Variants in DPP10 observed in about 807,000 individuals in gnomAD.
DPP10 encodes the protein inactive dipeptidyl peptidase 10.
DPP10 carries 33 observed loss-of-function variants against 120.9 expected under a neutral mutation model. That is an observed-to-expected ratio of 0.27 (90% CI 0.21 to 0.37). DPP10 has a LOEUF of 0.37. DPP10 is among the 10% of genes least tolerant of loss of function. DPP10 has a pLI of 1.00. For synonymous variants in DPP10, 337 were observed against 326.1 expected (o/e 1.03, Z -0.36); for missense variants, 816 against 942.8 (o/e 0.87, Z 1.76).
At chr2:115,532,896 TATC>T (rs1333042636) in intron 5 of DPP10, among the ~76,000 whole-genome samples, 1 of 151,982 alleles carries the variant, frequency 6.6e-6, no homozygotes, top group African/African-American at 2.4e-5. Context: ...TTTTATATAT[TATC>T]CATATATATT....
intron 1 of DPP10, among the ~76,000 whole-genome samples, chr2:115,287,559 C>G (rs2060453277): frequency 6.6e-6 from 1 of 152,084 alleles, no homozygotes; most frequent in African/African-American, 2.4e-5. Flanking sequence ...GTTTTCCATT[C>G]TTGAGTTACT....
chr2:115,309,370 C>T lies in DPP10; in HGVS notation c.175+17C>T, dbSNP rs1035146612. The T allele has an allele frequency of 3.7e-6, 6 of 1,603,786 alleles. No individual in the cohort carries two copies. Among genetic ancestry groups the T allele is most frequent in the Admixed American group, 3.3e-5 (2 of 59,844 alleles). ...TAACCCCAGGTAATCTGTCTTTATT[C>T]CTCTCTTATGATGGATGGTATTGTG... On this transcript the variant is annotated intron_variant, in intron 2 of 25. Coordinates refer to ENST00000410059, the MANE Select transcript of DPP10 (RefSeq NM_020868.6).
chr2:114,627,401 T>G (rs1190337329), intron 1 of DPP10, among the ~76,000 whole-genome samples: 1 of 152,144 alleles, frequency 6.6e-6, no homozygotes, highest in Non-Finnish European at 1.5e-5. Flanking sequence ...TCATACTGTA[T>G]GCTATCTTGT....
At chr2:115,620,156 TG>T (rs1206762298) in intron 5 of DPP10, among the ~76,000 whole-genome samples, 1 of 152,218 alleles carries the variant, frequency 6.6e-6, no homozygotes, top group Non-Finnish European at 1.5e-5. Flanking sequence ...AACAGAGCGC[TG>T]GGCCAGGCTC....
intron 3 of DPP10, among the ~76,000 whole-genome samples, chr2:115,382,632 A>G (rs1007418460): frequency 2.6e-5 from 4 of 152,080 alleles, no homozygotes; most frequent in South Asian, 2.1e-4. Context: ...GTCTCTTCCT[A>G]GAAAATTGCT....
At chr2:115,820,839 C>A (rs7570955) in intron 21 of DPP10, among the ~76,000 whole-genome samples, 10 of 97,008 alleles carry the variant, frequency 1.0e-4, no homozygotes, top group African/African-American at 3.2e-4. Context: ...GTGTGTGTAT[C>A]TCACAATTTC....
intron 2 of DPP10, among the ~76,000 whole-genome samples, chr2:115,325,470 T>C (rs2106129589): frequency 6.6e-6 from 1 of 152,256 alleles, no homozygotes; most frequent in Admixed American, 6.5e-5. Context: ...CAGTTTGAAA[T>C]GTGGAAAAAC....
intron 3 of DPP10, among the ~76,000 whole-genome samples, chr2:115,383,417 A>G (rs1175918118): frequency 2.0e-5 from 3 of 152,224 alleles, no homozygotes; most frequent in African/African-American, 7.2e-5. Context: ...GGAACTGTGC[A>G]TGCATTAAAC....
At chr2:114,936,436 CAT>C (rs893266629) in intron 1 of DPP10, among the ~76,000 whole-genome samples, 1 of 151,088 alleles carries the variant, frequency 6.6e-6, no homozygotes, top group Non-Finnish European at 1.5e-5. Context: ...TATATATACA[CAT>C]ATATACGCAC....
At chr2:114,496,746 G>A (rs1001017708) in intron 1 of DPP10, among the ~76,000 whole-genome samples, 7 of 152,090 alleles carry the variant, frequency 4.6e-5, no homozygotes, top group East Asian at 3.9e-4. Context: ...CTATCTATGA[G>A]GGGTCACAAT....
intron 1 of DPP10, among the ~76,000 whole-genome samples, chr2:114,546,679 G>A (rs945525088): frequency 6.6e-6 from 1 of 152,168 alleles, no homozygotes; most frequent in Non-Finnish European, 1.5e-5. Context: ...ATCTCCTAAG[G>A]CAAAGTGTTC....
intron 1 of DPP10, among the ~76,000 whole-genome samples, chr2:114,587,301 CAA>C (rs11364968): frequency 0.29 from 30,556 of 103,582 alleles, 3,684 homozygotes; most frequent in Non-Finnish European, 0.31. Context: ...AACTCCATCT[CAA>C]AAAAAAAAAA....
chr2:115,510,469 T>A (rs889184546), intron 4 of DPP10, among the ~76,000 whole-genome samples: 1 of 152,170 alleles, frequency 6.6e-6, no homozygotes, highest in Admixed American at 6.6e-5. Flanking sequence ...ACCACAAATA[T>A]ATGATTTTGT....
At chr2:115,630,188 A>G (rs2085728886) in intron 5 of DPP10, among the ~76,000 whole-genome samples, 1 of 151,990 alleles carries the variant, frequency 6.6e-6, no homozygotes, top group Non-Finnish European at 1.5e-5. Context: ...GAGTTCATTT[A>G]TGATTTTGCT....
At chr2:114,448,949 T>G (rs1373793818) in intron 1 of DPP10, among the ~76,000 whole-genome samples, 1 of 152,216 alleles carries the variant, frequency 6.6e-6, no homozygotes, top group Non-Finnish European at 1.5e-5. Flanking sequence ...AAGGTGTTAC[T>G]CAACATGTAA....
At chr2:115,466,291 T>C (rs189138585) in intron 3 of DPP10, among the ~76,000 whole-genome samples, 1 of 152,328 alleles carries the variant, frequency 6.6e-6, no homozygotes, top group East Asian at 1.9e-4. Flanking sequence ...TCTTTAACTT[T>C]TAATATCACA....
intron 7 of DPP10, among the ~76,000 whole-genome samples, chr2:115,724,324 G>T (rs1028334310): frequency 3.3e-5 from 5 of 152,168 alleles, no homozygotes; most frequent in Admixed American, 2.6e-4. Flanking sequence ...TGGTGAATTT[G>T]CTGGTAGTTG....
intron 1 of DPP10, among the ~76,000 whole-genome samples, chr2:114,792,005 A>T (rs1024373765): frequency 3.3e-5 from 5 of 152,136 alleles, no homozygotes; most frequent in Admixed American, 2.0e-4. Context: ...TCATTTCTTT[A>T]TGAGACACGA....
chr2:115,835,489 C>T (rs115055982), intron 21 of DPP10, among the ~76,000 whole-genome samples: 1,964 of 152,244 alleles, frequency 0.013, 45 homozygotes, highest in African/African-American at 0.042. Context: ...AACATCTATA[C>T]ATTTCCTTTA....
Sources: allele counts gnomAD v4.1 joint callset (sites outside exome capture counted in the v4.1 genomes callset), GRCh38; gene constraint gnomAD v4.1.1; transcripts MANE v1.5; gene names NCBI Gene and HGNC (gene_info 2026-07-23, HGNC 2026-07-21).